The following FSD1L variants were observed in gnomAD, a reference collection of about 807,000 sequenced individuals.
The protein encoded by FSD1L is fibronectin type III and SPRY domain containing 1 like, also known as FSD1-like protein.
FSD1L carries 45 observed loss-of-function variants against 71.6 expected under a neutral mutation model. That is an observed-to-expected ratio of 0.63 (90% CI 0.49 to 0.81). The LOEUF (loss-of-function observed/expected upper bound fraction) is 0.81. Among genes scored for constraint, FSD1L ranks in the 30% least tolerant of loss-of-function variants. FSD1L has a pLI of 0.00. For missense variants in FSD1L, 561 were observed against 618.1 expected (o/e 0.91, Z 0.98); for synonymous variants, 197 against 207.2 (o/e 0.95, Z 0.42).
rs376069658 is a variant in FSD1L at position 105,481,141 on chromosome 9, CTGTGTGTGTGTG to C, written c.464+1792_464+1803del. On this transcript the variant is annotated intron_variant, in intron 6 of 13. Coordinates refer to ENST00000481272, the MANE Select transcript of FSD1L (RefSeq NM_001145313.3). ...TCAGGAATTAGGGTTCAGGCAAACT[CTGTGTGTGTGTG>C]TGTGTGTGTGTGTGTGTGTGTGTGT... 9.9e-3 allele frequency among the ~76,000 whole-genome samples: 811 copies of C among 81,556 alleles called. 17 individuals carry two copies. Among genetic ancestry groups the C allele is most frequent in the African/African-American group, 0.036 (747 of 20,940 alleles). The allele number at this position is 81,556 out of a possible 152,430, so 53.5% of individuals were successfully genotyped here. A position where few individuals can be genotyped will look rare whatever the true frequency, so the allele number is the denominator to read the frequency against.
chr9:105,515,061 A>G (rs1285983644), intron 10 of FSD1L, among the ~76,000 whole-genome samples: 3 of 152,148 alleles, frequency 2.0e-5, no homozygotes, highest in Non-Finnish European at 4.4e-5. Context: ...CAGATACGGT[A>G]TATGATCATG....
At chr9:105,480,689 A>G (rs1218507683) in intron 6 of FSD1L, among the ~76,000 whole-genome samples, 1 of 152,190 alleles carries the variant, frequency 6.6e-6, no homozygotes, top group Admixed American at 6.5e-5. Flanking sequence ...GATGATTGTG[A>G]AAGTTTGAAG....
At chr9:105,458,150 G>A (rs117642498) in intron 1 of FSD1L, among the ~76,000 whole-genome samples, 1 of 152,324 alleles carries the variant, frequency 6.6e-6, no homozygotes, top group East Asian at 1.9e-4. Context: ...GTCACTTGCT[G>A]TCATGTGGGG....
intron 1 of FSD1L, among the ~76,000 whole-genome samples, chr9:105,454,878 A>G (rs1460801673): frequency 6.6e-6 from 1 of 152,212 alleles, no homozygotes; most frequent in African/African-American, 2.4e-5. Context: ...AGGCTGTCTC[A>G]GTTACATCTG....
At chr9:105,459,480 T>C (rs1369649097) in intron 1 of FSD1L, among the ~76,000 whole-genome samples, 3 of 152,216 alleles carry the variant, frequency 2.0e-5, no homozygotes, top group Non-Finnish European at 4.4e-5. Context: ...ATTACAGTCT[T>C]TTTCATTTGC....
rs2131366878 is a variant in FSD1L at position 105,508,737 on chromosome 9, A to G, written c.895+22A>G. ...AAAGGTGAGATCAGTAGCTCTTTAT[A>G]CAGCATAAAACAAAGCTTAACATCT... is the stretch of plus-strand genomic sequence containing the variant. On this transcript the variant is annotated intron_variant, in intron 9 of 13. Coordinates refer to ENST00000481272, the MANE Select transcript of FSD1L (RefSeq NM_001145313.3). The G allele has an allele frequency of 1.0e-5, 14 of 1,342,230 alleles. No individual in the cohort carries two copies. In the African/African-American group the frequency reaches 1.5e-4, roughly 14 times the overall value. The allele number at this position is 1,342,230 out of a possible 1,614,324, so 83.1% of individuals were successfully genotyped here. A position where few individuals can be genotyped will look rare whatever the true frequency, so the allele number is the denominator to read the frequency against.
At position 105,552,226 on chromosome 9, in the gene FSD1L, C is replaced by T. The variant is rs1837295670; in HGVS notation, c.*5743C>T. 6.6e-6 allele frequency: 1 copy of T among 152,020 alleles called. No homozygotes were observed. The highest frequency in any genetic ancestry group is 1.5e-5 in the Non-Finnish European group (1 of 67,988). 9.4% of individuals were successfully genotyped at this position (152,020 alleles called of 1,614,324 possible). ...ATGATACTTATGATGCACTCAGTGC[C>T]ATACAATAGTGTTTTAAGAAGCACA... On this transcript the variant is annotated 3_prime_UTR_variant, in exon 14 of 14. Coordinates refer to ENST00000481272, the MANE Select transcript of FSD1L (RefSeq NM_001145313.3).
In FSD1L at chr9:105,550,897, AC is replaced by A. The variant is rs1309605093; in HGVS notation, c.*4417del. 1 of 152,070 alleles carries A rather than the reference AC, an allele frequency of 6.6e-6. No individual in the cohort carries two copies. Among genetic ancestry groups the A allele is most frequent in the Non-Finnish European group, 1.5e-5 (1 of 67,952 alleles). The allele number at this position is 152,070 out of a possible 1,614,324, so 9.4% of individuals were successfully genotyped here. On this transcript the variant is annotated 3_prime_UTR_variant, in exon 14 of 14. Transcript: ENST00000481272. Reference sequence around the variant, plus strand: ...TAAACTGGTATCTTTTCTTAGTGGTACCCATTCAATGTAAGCTGGTCCATGG... The same window carrying A: ...TAAACTGGTATCTTTTCTTAGTGGTACCATTCAATGTAAGCTGGTCCATGG...
At chr9:105,481,179 G>GTGTGTGTGTGTGTGTGTGTGTGTGT (rs71364100) in intron 6 of FSD1L, among the ~76,000 whole-genome samples, 5 of 115,380 alleles carry the variant, frequency 4.3e-5, no homozygotes, top group Admixed American at 8.6e-5. Flanking sequence ...GTGTGTGTGT[G>GTGTGTGTGTGTGTGTGTGTGTGTGT]GTTCTTTTTT....
At chr9:105,480,768 G>A (rs1485934005) in intron 6 of FSD1L, among the ~76,000 whole-genome samples, 4 of 152,082 alleles carry the variant, frequency 2.6e-5, no homozygotes, top group African/African-American at 9.7e-5. Context: ...GTAGATTTGG[G>A]TTGTGTCTGG....
chr9:105,513,588 T>G, intron 10 of FSD1L: 1 of 1,531,098 alleles, frequency 6.5e-7, no homozygotes, highest in Non-Finnish European at 8.7e-7. Flanking sequence ...TTGCCTGTTT[T>G]TATCTGACAG....
intron 7 of FSD1L, among the ~76,000 whole-genome samples, chr9:105,486,254 G>A (rs1832542765): frequency 6.6e-6 from 1 of 151,942 alleles, no homozygotes; most frequent in Non-Finnish European, 1.5e-5. Flanking sequence ...TCATTCACAG[G>A]GCTCTACTTA....
chr9:105,465,841 G>C (rs1005817413), intron 3 of FSD1L, among the ~76,000 whole-genome samples: 6 of 151,532 alleles, frequency 4.0e-5, no homozygotes, highest in Non-Finnish European at 7.4e-5. Flanking sequence ...TTTCTGTAAA[G>C]TCAGGAACAA....
chr9:105,463,992 A>G (rs1830889820), intron 2 of FSD1L, among the ~76,000 whole-genome samples: 2 of 152,162 alleles, frequency 1.3e-5, no homozygotes, highest in South Asian at 2.1e-4. Flanking sequence ...ATCATTTTCA[A>G]TCTGAAAAGT....
chr9:105,526,364 C>G, intron 10 of FSD1L: 1 of 1,612,712 alleles, frequency 6.2e-7, no homozygotes, highest in Admixed American at 1.7e-5. Context: ...CATTAAATAT[C>G]AGTTCTGTTT....
chr9:105,520,657 G>A, intron 10 of FSD1L: 1 of 1,612,590 alleles, frequency 6.2e-7, no homozygotes. Flanking sequence ...TTCTTACTAT[G>A]GTTGCAAGCT....
At chr9:105,507,076 A>C (rs974758219) in intron 8 of FSD1L, among the ~76,000 whole-genome samples, 4 of 152,256 alleles carry the variant, frequency 2.6e-5, no homozygotes, top group Admixed American at 2.0e-4. Context: ...TTCTGAAAAT[A>C]GTATTTCAGA....
intron 7 of FSD1L, among the ~76,000 whole-genome samples, chr9:105,502,984 C>A (rs1833856133): frequency 6.6e-6 from 1 of 151,508 alleles, no homozygotes. Context: ...CTTAAGCAAC[C>A]CTCCTGCCTC....
At chr9:105,447,125 A>T (rs1208911117), upstream of FSD1L, among the ~76,000 whole-genome samples, 1 of 151,916 alleles carries the variant, frequency 6.6e-6, no homozygotes, top group Admixed American at 6.6e-5. Context: ...GGAGTTCGAG[A>T]CCATCCTAAG....
Sources: gnomAD v4.1 joint callset for allele counts (sites outside exome capture counted in the v4.1 genomes callset) on GRCh38, gnomAD v4.1.1 for gene constraint, MANE v1.5 for transcripts, NCBI Gene and HGNC (gene_info 2026-07-23, HGNC 2026-07-21) for gene names.